SAFB2: variants seen among roughly 807,000 people sequenced by gnomAD.
The protein encoded by SAFB2 is scaffold attachment factor B2.
In SAFB2, 32 loss-of-function variants were observed where a neutral mutation model predicts 100.6. The ratio of observed to expected loss-of-function variants is 0.32; its 90% confidence interval spans 0.24 to 0.43. The LOEUF is 0.43. Ranked by LOEUF, SAFB2 falls within the 20% of genes least tolerant of loss-of-function variation. SAFB2 has a pLI of 1.00. For synonymous variants in SAFB2, 500 were observed against 439.4 expected (o/e 1.14, Z -1.72); for missense variants, 1,185 against 1,163.4 (o/e 1.02, Z -0.27).
intron 17 of SAFB2, 125 bp from the exon 18 acceptor site, chr19:5,590,533 G>C: frequency 4.5e-6 from 5 of 1,114,130 alleles, no homozygotes; most frequent in Non-Finnish European, 6.2e-6. Flanking sequence ...AGGACTGAAG[G>C]GTGCAGTCTC....
At position 5,593,947 on chromosome 19, in the gene SAFB2, C is replaced by A. The variant is rs1208364776; in HGVS notation, c.2151G>T (p.Glu717Asp). 7.1e-6 allele frequency: 11 copies of A among 1,555,642 alleles called. No individual in the cohort carries two copies. Among genetic ancestry groups the A allele is most frequent in the Non-Finnish European group, 9.5e-6 (11 of 1,159,402 alleles). The change falls in exon 15 of 21, where the codon GAG becomes GAT. Residue 717 changes from glutamate to aspartate, a missense_variant. Transcript: ENST00000252542. ...REREELRRQQ[E>D]QLRYEQERRP... ...GCCGCTCCTGCTCGTAACGCAGCTG[C>A]TCCTGCTGGCGCCGCAGCTCCTCGC...
chr19:5,587,499 GT>G lies in SAFB2; in HGVS notation c.2706-101del, dbSNP rs1276005268. 20 of 1,485,430 alleles carry G rather than the reference GT, an allele frequency of 1.3e-5. No homozygotes were observed. Among genetic ancestry groups the G allele is most frequent in the Non-Finnish European group, 1.6e-5 (18 of 1,111,824 alleles). 92.0% of individuals were successfully genotyped at this position (1,485,430 alleles called of 1,614,324 possible). A position where few individuals can be genotyped will look rare whatever the true frequency, so the allele number is the denominator to read the frequency against. On this transcript the variant is annotated intron_variant, in intron 20 of 20. Coordinates refer to ENST00000252542, the MANE Select transcript of SAFB2 (RefSeq NM_014649.3). The surrounding 1 kb of genome is among the most constrained non-coding windows in gnomAD (Gnocchi z 4.9). ...GTCCCGCAGCCTTTAGAGCGCTTGG[GT>G]TTTTTTTCCAGGTGAGAAAAATCAT...
chr19:5,587,033 T>G lies in SAFB2; in HGVS notation c.*210A>C. ...TAAACTTTATTAATGGAAAATGGAA[T>G]GCCTCGTTAACAGAAACCTTGATTT... On this transcript the variant is annotated 3_prime_UTR_variant, in exon 21 of 21. Coordinates refer to ENST00000252542, the MANE Select transcript of SAFB2 (RefSeq NM_014649.3). This position sits in a 1 kb window ranked among gnomAD's most constrained non-coding sequence, Gnocchi z 4.9. 1 of 658,030 alleles carries G rather than the reference T, an allele frequency of 1.5e-6. No individual in the cohort carries two copies. Among genetic ancestry groups the G allele is most frequent in the Non-Finnish European group, 2.5e-6 (1 of 397,732 alleles). The allele number at this position is 658,030 out of a possible 1,614,324, so 40.8% of individuals were successfully genotyped here.
At chr19:5,610,773 T>A in intron 7 of SAFB2, 85 bp from the exon 8 acceptor site, 1 of 963,946 alleles carries the variant, frequency 1.0e-6, no homozygotes, top group Non-Finnish European at 1.6e-6. Flanking sequence ...TAAAACTGAA[T>A]ACCTACCAGA....
intron 8 of SAFB2, chr19:5,610,305 C>A: frequency 1.7e-6 from 1 of 596,962 alleles, no homozygotes; most frequent in Non-Finnish European, 3.0e-6. Flanking sequence ...AATAATCATG[C>A]CCATGTCAGT....
At position 5,617,738 on chromosome 19, in the gene SAFB2, C is replaced by G. The variant is rs185215473; in HGVS notation, c.275-1252G>C. On this transcript the variant is annotated intron_variant, in intron 2 of 20. Transcript: ENST00000252542. ...TACTCCCCAACCCCAGAGAATTCTTCGGCCCAAATTGTCAACAGTGCCAAT... is the reference window on the plus strand; with the variant it reads ...TACTCCCCAACCCCAGAGAATTCTTGGGCCCAAATTGTCAACAGTGCCAAT... Among the ~76,000 whole-genome samples the G allele has an allele frequency of 6.6e-5, 10 of 152,302 alleles. No individual in the cohort carries two copies. The South Asian group carries it at 2.1e-3, about 32-fold the overall frequency.
At chr19:5,604,760 A>G (rs771100441) in intron 10 of SAFB2, 27 bp downstream of exon 10, 2 of 1,613,860 alleles carry the variant, frequency 1.2e-6, no homozygotes, top group Non-Finnish European at 1.7e-6. Context: ...TCCATTTGCG[A>G]GTTACCATAG....
chr19:5,594,300 G>C (rs2052490125), intron 14 of SAFB2, 122 bp from the exon 15 acceptor site: 3 of 1,277,702 alleles, frequency 2.3e-6, no homozygotes, highest in Admixed American at 2.9e-5. Flanking sequence ...AGCTCACCGG[G>C]CTTCCCTAAA....
At chr19:5,612,431 A>G in intron 6 of SAFB2, 109 bp downstream of exon 6, 1 of 995,724 alleles carries the variant, frequency 1.0e-6, no homozygotes, top group Admixed American at 1.8e-5. Flanking sequence ...TGGATTGTCC[A>G]CCATTAGAGC....
Position 5,587,933 on chromosome 19 carries a change from T to G in SAFB2, c.2573A>C (p.Gln858Pro). 1 of 1,612,772 alleles carries G rather than the reference T, an allele frequency of 6.2e-7. No individual in the cohort carries two copies. Among genetic ancestry groups the G allele is most frequent in the Non-Finnish European group, 8.5e-7 (1 of 1,179,876 alleles). ...GEHNQRLEEH[Q>P]ARAWQGAMDA... Reference sequence around the variant, plus strand: ...CATGGCACCCTGCCAGGCGCGTGCCTGGTGCTCCTCTAGCCGCTGGTTGTG... The same window carrying G: ...CATGGCACCCTGCCAGGCGCGTGCCGGGTGCTCCTCTAGCCGCTGGTTGTG... The change falls in exon 19 of 21, where the codon CAG (glutamine) becomes CCG (proline). Residue 858 changes from glutamine to proline, a missense_variant. Physicochemically the swap from Gln to Pro is moderately conservative, Grantham distance 76 (BLOSUM62 -1). Transcript: ENST00000252542. The surrounding 1 kb of genome is among the most constrained non-coding windows in gnomAD (Gnocchi z 4.9).
intron 9 of SAFB2, among the ~76,000 whole-genome samples, chr19:5,605,908 A>G (rs915475823): frequency 3.9e-5 from 6 of 152,334 alleles, no homozygotes; most frequent in African/African-American, 1.4e-4. Context: ...ACTGAGTATC[A>G]GAGAGGACAC....
intron 1 of SAFB2, among the ~76,000 whole-genome samples, chr19:5,622,320 T>G (rs934411508): frequency 6.6e-6 from 1 of 151,160 alleles, no homozygotes; most frequent in African/African-American, 2.4e-5. Flanking sequence ...GGAGAAAAGG[T>G]GGAAAGAGGA....
At position 5,616,318 on chromosome 19, in the gene SAFB2, A is replaced by G. The variant is rs781174610; in HGVS notation, c.357T>C (p.Ser119=). 1.2e-6 allele frequency: 2 copies of G among 1,614,018 alleles called. No homozygotes were observed. ...TGCCCATATTCTGCAGGTTCTCCAG[A>G]CTTGCTTCCATGTCCTCCTGTAAAG... ...SRDGQEDMEA[S]LENLQNMGMM... is the part of the protein sequence containing the mutation. Residue 119 remains serine, a synonymous_variant, in exon 4 of 21, where the codon AGT becomes AGC. Transcript: ENST00000252542.
At chr19:5,617,845 G>GA (rs1188050885) in intron 2 of SAFB2, among the ~76,000 whole-genome samples, 2 of 152,136 alleles carry the variant, frequency 1.3e-5, no homozygotes, top group African/African-American at 4.8e-5. Flanking sequence ...TAATGAAACA[G>GA]AAAAAATGCC....
chr19:5,594,146 A>C lies in SAFB2; in HGVS notation c.1952T>G (p.Leu651Arg). ...CTCCTTCCGCTCATGGAAGGCCTCGAGGCGTTGCTCCCGCTCCCGCTGCTC... is the reference window on the plus strand; with the variant it reads ...CTCCTTCCGCTCATGGAAGGCCTCGCGGCGTTGCTCCCGCTCCCGCTGCTC... The part of the protein sequence containing the change: ...EREQREREQR[L>R]EAFHERKEKA... Residue 651 changes from leucine to arginine, a missense_variant, in exon 15 of 21, where the codon CTC (leucine) becomes CGC (arginine). Leu to Arg is a moderately radical substitution (Grantham distance 102, BLOSUM62 -2). This residue lies in a region of SAFB2 where 740 missense variants were observed against 687.1 expected (regional missense o/e 1.08). Transcript: ENST00000252542. 1 of 1,600,576 alleles carries C rather than the reference A, an allele frequency of 6.2e-7. No homozygotes were observed. Among genetic ancestry groups the C allele is most frequent in the Non-Finnish European group, 8.5e-7 (1 of 1,178,446 alleles).
rs1193414852 is a variant in SAFB2 at position 5,594,020 on chromosome 19, C to T, written c.2078G>A (p.Arg693His). ...CTCCTTCCTGCGCTCACGCTCCACG[C>T]GCATGCGCTCGCGCTCCAGCCGCTC... ...ERERLERERM[R>H]VERERRKEQE... Residue 693 changes from arginine (R) to histidine (H), a missense_variant, in exon 15 of 21, where the codon CGC (arginine) becomes CAC (histidine). By Grantham distance (29) the Arg-to-His change is conservative. Transcript: ENST00000252542. The T allele has an allele frequency of 1.3e-6, 2 of 1,566,000 alleles. No individual in the cohort carries two copies. The highest frequency in any genetic ancestry group is 1.2e-5 in the South Asian group (1 of 86,786).
At chr19:5,597,928 G>A (rs1026041734) in intron 13 of SAFB2, among the ~76,000 whole-genome samples, 2 of 151,982 alleles carry the variant, frequency 1.3e-5, no homozygotes, top group Non-Finnish European at 2.9e-5. Context: ...TCAGGAGTTC[G>A]AGACCAGCCT....
At chr19:5,619,763 T>C (rs1462992738) in intron 2 of SAFB2, among the ~76,000 whole-genome samples, 2 of 151,386 alleles carry the variant, frequency 1.3e-5, no homozygotes, top group African/African-American at 4.9e-5. Context: ...AAGAATCACT[T>C]GAACCCGGGA....
chr19:5,609,192 C>T (rs563281162), intron 9 of SAFB2, among the ~76,000 whole-genome samples: 124 of 152,144 alleles, frequency 8.2e-4, no homozygotes, highest in Admixed American at 1.4e-3. Flanking sequence ...TCTCCCACCC[C>T]CATGAGCAGC....
Sources: allele counts gnomAD v4.1 joint callset (sites outside exome capture counted in the v4.1 genomes callset), GRCh38; gene constraint gnomAD v4.1.1; regional missense constraint gnomAD v4.1.1; non-coding constraint Gnocchi (gnomAD v3.1); transcripts MANE v1.5; gene names NCBI Gene and HGNC (gene_info 2026-07-23, HGNC 2026-07-21).